Variants in SYNPR observed in about 807,000 individuals in gnomAD.
SYNPR encodes the protein synaptoporin.
Under a neutral mutation model 32.9 loss-of-function variants are expected in SYNPR, and 23 were observed. The ratio of observed to expected loss-of-function variants is 0.70; its 90% CI spans 0.50 to 0.99. The LOEUF (loss-of-function observed/expected upper bound fraction) is 0.99. Among genes scored for constraint, SYNPR ranks in the 50% least tolerant of loss-of-function variants. The probability of loss-of-function intolerance (pLI) is 0.00; values close to 1 mark genes in which losing one functional copy is unlikely to be tolerated. For synonymous variants in SYNPR, 146 were observed against 135.9 expected, an observed-to-expected ratio of 1.07 and a Z score of -0.52; for missense variants, 318 against 349.3, an observed-to-expected ratio of 0.91 and a Z score of 0.71.
chr3:63,354,039 G>T (rs1287648881), intron 2 of SYNPR, among the ~76,000 whole-genome samples: 2 of 152,166 alleles, frequency 1.3e-5, no homozygotes, highest in African/African-American at 4.8e-5. Context: ...AGCTGCCAGA[G>T]AACTTAAACA....
chr3:63,331,414 A>C (rs1203050632), intron 2 of SYNPR, among the ~76,000 whole-genome samples: 1 of 152,208 alleles, frequency 6.6e-6, no homozygotes, highest in Non-Finnish European at 1.5e-5. Context: ...GAATTCTTCA[A>C]GAATCCTCTT....
chr3:63,381,158 T>C (rs1185850106), intron 2 of SYNPR, among the ~76,000 whole-genome samples: 1 of 152,184 alleles, frequency 6.6e-6, no homozygotes, highest in African/African-American at 2.4e-5. Flanking sequence ...AAAACCCCAT[T>C]GTCTCAGCCC....
At chr3:63,272,428 T>C (rs910899535) in intron 3 of SYNPR, among the ~76,000 whole-genome samples, 1 of 152,078 alleles carries the variant, frequency 6.6e-6, no homozygotes, top group Non-Finnish European at 1.5e-5. Flanking sequence ...CTAGGCAAGA[T>C]GCCTCCATTC....
At chr3:63,601,941 T>G (rs1042540820) in intron 4 of SYNPR, among the ~76,000 whole-genome samples, 3 of 152,214 alleles carry the variant, frequency 2.0e-5, no homozygotes, top group Admixed American at 1.3e-4. Context: ...TAGTTTACGC[T>G]CCTACCAACA....
intron 2 of SYNPR, among the ~76,000 whole-genome samples, chr3:63,363,255 T>C (rs2087685377): frequency 6.6e-6 from 1 of 152,210 alleles, no homozygotes; most frequent in African/African-American, 2.4e-5. Context: ...TTAAATTAAT[T>C]GTTTTCTTCT....
intron 2 of SYNPR, among the ~76,000 whole-genome samples, chr3:63,356,056 C>T (rs944335088): frequency 1.3e-5 from 2 of 152,196 alleles, no homozygotes; most frequent in Non-Finnish European, 2.9e-5. Flanking sequence ...TTAGCTCAAG[C>T]TCATCTCCTC....
chr3:63,430,409 T>C (rs935861878), intron 2 of SYNPR, among the ~76,000 whole-genome samples: 2 of 151,508 alleles, frequency 1.3e-5, no homozygotes, highest in African/African-American at 2.4e-5. Flanking sequence ...CTTATCCTCA[T>C]GGAAATTGTG....
chr3:63,530,287 A>G (rs1702088492), intron 3 of SYNPR, among the ~76,000 whole-genome samples: 1 of 152,078 alleles, frequency 6.6e-6, no homozygotes, highest in African/African-American at 2.4e-5. Context: ...GGCACACCTA[A>G]CCTGGCAGTC....
At chr3:63,571,218 G>A (rs891332594) in intron 4 of SYNPR, among the ~76,000 whole-genome samples, 1 of 152,066 alleles carries the variant, frequency 6.6e-6, no homozygotes, top group Non-Finnish European at 1.5e-5. Context: ...CTAACCATGG[G>A]ATCTTAAAGT....
intron 2 of SYNPR, among the ~76,000 whole-genome samples, chr3:63,369,722 C>T (rs2087771888): frequency 6.6e-6 from 1 of 152,196 alleles, no homozygotes; most frequent in Admixed American, 6.5e-5. Flanking sequence ...TTTGACATTG[C>T]TCTCAAAGCC....
chr3:63,589,382 A>G (rs1703265926), intron 4 of SYNPR, among the ~76,000 whole-genome samples: 1 of 152,146 alleles, frequency 6.6e-6, no homozygotes, highest in South Asian at 2.1e-4. Context: ...CAGAATGAGT[A>G]CTAGGACCAT....
intron 2 of SYNPR, among the ~76,000 whole-genome samples, chr3:63,418,348 C>T (rs1049354257): frequency 6.6e-6 from 1 of 152,176 alleles, no homozygotes; most frequent in African/African-American, 2.4e-5. Flanking sequence ...TTGGTCAAAG[C>T]CATTCAACAA....
At chr3:63,278,851 A>T in intron 2 of SYNPR, 109 bp downstream of exon 2, 1 of 1,234,574 alleles carries the variant, frequency 8.1e-7, no homozygotes, top group Non-Finnish European at 1.1e-6. Context: ...CGGAGATTCA[A>T]CCCTCAAGCC....
intron 2 of SYNPR, among the ~76,000 whole-genome samples, chr3:63,456,137 A>G (rs930427636): frequency 1.3e-5 from 2 of 152,020 alleles, no homozygotes; most frequent in African/African-American, 4.8e-5. Context: ...TATCACAAGA[A>G]CAGCAGGGGA....
At chr3:63,252,761 C>T (rs1037306478) in intron 2 of SYNPR, among the ~76,000 whole-genome samples, 1 of 152,196 alleles carries the variant, frequency 6.6e-6, no homozygotes, top group African/African-American at 2.4e-5. Flanking sequence ...TCCATTCAGG[C>T]TGGGCACAGG....
Position 63,323,973 on chromosome 3 carries a change from A to G in SYNPR, c.84+45231A>G, listed in dbSNP as rs533485365. On this transcript the variant is annotated intron_variant, in intron 2 of 5. Transcript: ENST00000478300. ...TTGCACAATAAGTAGCAGAGTCAGCATTTAAACTCAGTCTTATTACAAAGT... is the reference window on the plus strand; with the variant it reads ...TTGCACAATAAGTAGCAGAGTCAGCGTTTAAACTCAGTCTTATTACAAAGT... 9.7e-4 allele frequency among the ~76,000 whole-genome samples: 147 copies of G among 152,256 alleles called. 4 individuals carry two copies. The South Asian group carries it at 0.03, about 31-fold the overall frequency.
Position 63,245,126 on chromosome 3 carries a change from C to G in SYNPR, n.67-7373C>G, listed in dbSNP as rs143531801. 4.0e-3 allele frequency among the ~76,000 whole-genome samples: 613 copies of G among 152,068 alleles called. 4 individuals carry two copies. Among genetic ancestry groups the G allele is most frequent in the African/African-American group, 0.014 (592 of 41,506 alleles). On this transcript the variant is annotated intron_variant and non_coding_transcript_variant, in intron 1 of 4. Coordinates refer to the SYNPR transcript ENST00000478456. ...TGGTTTGCAGAAGCTTTATTCTTTC[C>G]AAAATTTTATTTTTGACCGTGTGAA...
At chr3:63,430,522 G>A (rs1390383367) in intron 2 of SYNPR, among the ~76,000 whole-genome samples, 2 of 152,292 alleles carry the variant, frequency 1.3e-5, no homozygotes, top group East Asian at 3.9e-4. Context: ...TAAGATGGAG[G>A]AAGAAAAGCA....
At chr3:63,543,073 A>G (rs7647668) in intron 3 of SYNPR, among the ~76,000 whole-genome samples, 5,640 of 152,224 alleles carry the variant, frequency 0.037, 336 homozygotes, top group African/African-American at 0.13. Flanking sequence ...TTTATTAAAT[A>G]CAAAAATATG....
Sources: allele counts gnomAD v4.1 joint callset (sites outside exome capture counted in the v4.1 genomes callset), GRCh38; gene constraint gnomAD v4.1.1; transcripts MANE v1.5; gene names NCBI Gene and HGNC (gene_info 2026-07-23, HGNC 2026-07-21).